The following IQGAP2 variants were observed in gnomAD, a reference collection of about 807,000 sequenced individuals.
IQGAP2 encodes the protein IQ motif containing GTPase activating protein 2, also known as ras GTPase-activating-like protein IQGAP2.
IQGAP2 carries 173 observed loss-of-function variants against 201.3 expected under a neutral mutation model. That is an observed-to-expected ratio of 0.86 (90% CI 0.76 to 0.98). The LOEUF is 0.98. IQGAP2 is among the 50% of genes least tolerant of loss of function. The pLI is 0.00. For missense variants in IQGAP2, 1,687 were observed against 1,864.8 expected (o/e 0.90, Z 1.76); for synonymous variants, 675 against 673.9 (o/e 1.00, Z -0.03).
chr5:76,486,647 T>A (rs7727955), intron 2 of IQGAP2, among the ~76,000 whole-genome samples: 43,168 of 142,442 alleles, frequency 0.3, 6,085 homozygotes, highest in Middle Eastern at 0.37. Context: ...ATTTTTTTTT[T>A]AAAAAAGGAT....
chr5:76,671,682 T>G, intron 23 of IQGAP2, 77 bp from the exon 24 acceptor site: 1 of 1,027,566 alleles, frequency 9.7e-7, no homozygotes, highest in South Asian at 1.6e-5. Flanking sequence ...AGCAAGACTG[T>G]CTCGGGGAAA....
intron 2 of IQGAP2, among the ~76,000 whole-genome samples, chr5:76,502,832 C>T (rs1757352179): frequency 6.6e-6 from 1 of 152,070 alleles, no homozygotes; most frequent in Non-Finnish European, 1.5e-5. Context: ...AATTCCTGGG[C>T]TCAAGTGATC....
At chr5:76,684,567 G>C (rs186066212) in intron 30 of IQGAP2, among the ~76,000 whole-genome samples, 5 of 152,266 alleles carry the variant, frequency 3.3e-5, no homozygotes, top group Admixed American at 3.3e-4. Flanking sequence ...AAAAGCACCC[G>C]CTGACCAAGC....
intron 5 of IQGAP2, among the ~76,000 whole-genome samples, chr5:76,578,130 T>G (rs1396401690): frequency 6.6e-6 from 1 of 152,174 alleles, no homozygotes; most frequent in Non-Finnish European, 1.5e-5. Flanking sequence ...TGTTCCCCTT[T>G]GCTGCCTGCC....
chr5:76,424,719 T>C (rs10072221), intron 1 of IQGAP2, among the ~76,000 whole-genome samples: 60,242 of 152,188 alleles, frequency 0.4, 13,416 homozygotes, highest in East Asian at 0.52. Context: ...GCTGATTTTC[T>C]GGGAGGCGAC....
intron 2 of IQGAP2, among the ~76,000 whole-genome samples, chr5:76,546,175 C>T (rs1743083955): frequency 6.6e-6 from 1 of 152,166 alleles, no homozygotes; most frequent in Admixed American, 6.5e-5. Flanking sequence ...TTGGCTCACA[C>T]CTGTAATCCC....
chr5:76,622,365 G>A (rs780579218), intron 13 of IQGAP2, among the ~76,000 whole-genome samples: 12 of 152,156 alleles, frequency 7.9e-5, no homozygotes, highest in Admixed American at 2.0e-4. Flanking sequence ...CTCTGCAACC[G>A]CTCAGGGATT....
At chr5:76,621,573 C>T (rs1038798217) in intron 13 of IQGAP2, among the ~76,000 whole-genome samples, 3 of 152,156 alleles carry the variant, frequency 2.0e-5, no homozygotes, top group Non-Finnish European at 4.4e-5. Context: ...TTTTAAAAAG[C>T]TGTTAAAACC....
chr5:76,458,181 T>G (rs1754214961), intron 1 of IQGAP2, among the ~76,000 whole-genome samples: 1 of 152,146 alleles, frequency 6.6e-6, no homozygotes. Context: ...CAAATAGCTG[T>G]GGGCAGTCCC....
chr5:76,571,127 G>A (rs1042497009), intron 4 of IQGAP2, among the ~76,000 whole-genome samples: 7 of 149,560 alleles, frequency 4.7e-5, no homozygotes, highest in Admixed American at 1.3e-4. Flanking sequence ...AAATCTCATT[G>A]TATTAGTATA....
intron 2 of IQGAP2, among the ~76,000 whole-genome samples, chr5:76,470,326 C>G (rs1755034975): frequency 6.6e-6 from 1 of 152,130 alleles, no homozygotes; most frequent in African/African-American, 2.4e-5. Context: ...GTTACTAAGT[C>G]AAGGCCATGC....
At chr5:76,472,282 G>T (rs1755156203) in intron 2 of IQGAP2, among the ~76,000 whole-genome samples, 3 of 152,180 alleles carry the variant, frequency 2.0e-5, no homozygotes, top group Admixed American at 6.5e-5. Context: ...TGGAGAGGTG[G>T]TCTTAACAGG....
chr5:76,403,396 G>A lies in IQGAP2; in HGVS notation c.-150G>A, dbSNP rs912463273. The A allele has an allele frequency of 6.0e-6, 3 of 502,950 alleles. No individual in the cohort carries two copies. Among genetic ancestry groups the A allele is most frequent in the South Asian group, 4.7e-5 (1 of 21,094 alleles). The allele number at this position is 502,950 out of a possible 1,614,324, so 31.2% of individuals were successfully genotyped here. A position where few individuals can be genotyped will look rare whatever the true frequency, so the allele number is the denominator to read the frequency against. Reference sequence around the variant, plus strand: ...TGGCTGGCTCTGGCGAGAGAGCACCGAGGGAGTGGGTCGCAGATCTTCGGG... The same window carrying A: ...TGGCTGGCTCTGGCGAGAGAGCACCAAGGGAGTGGGTCGCAGATCTTCGGG... On this transcript the variant is annotated 5_prime_UTR_variant, in exon 1 of 36. Coordinates refer to ENST00000274364, the MANE Select transcript of IQGAP2 (RefSeq NM_006633.5). This position sits in a 1 kb window ranked among gnomAD's most constrained non-coding sequence, Gnocchi z 4.8.
intron 27 of IQGAP2, among the ~76,000 whole-genome samples, chr5:76,676,128 AATATCCATTTCCCAC>A (rs1417642014): frequency 6.7e-6 from 1 of 148,626 alleles, no homozygotes; most frequent in Non-Finnish European, 1.5e-5. Flanking sequence ...CACACAAAGT[AATATCCATTTCCCAC>A]ATTTCTCATG....
intron 13 of IQGAP2, chr5:76,615,622 A>C (rs1748877941): frequency 6.6e-6 from 1 of 152,188 alleles, no homozygotes; most frequent in Non-Finnish European, 1.5e-5. Context: ...CACTACTATC[A>C]TTCACTCTTT....
At chr5:76,551,824 G>A (rs1197521960) in intron 2 of IQGAP2, among the ~76,000 whole-genome samples, 1 of 148,450 alleles carries the variant, frequency 6.7e-6, no homozygotes, top group African/African-American at 2.5e-5. Flanking sequence ...GCCTCCGCTG[G>A]GCATCAGAGG....
At chr5:76,422,121 C>T (rs1461005388) in intron 1 of IQGAP2, among the ~76,000 whole-genome samples, 2 of 152,190 alleles carry the variant, frequency 1.3e-5, no homozygotes, top group Admixed American at 6.5e-5. Context: ...TACTCTTTTA[C>T]AGGAGGTGGC....
At chr5:76,610,110 A>G (rs1369807518) in intron 12 of IQGAP2, among the ~76,000 whole-genome samples, 1 of 13,190 alleles carries the variant, frequency 7.6e-5, no homozygotes, top group African/African-American at 2.6e-4. Flanking sequence ...ATATATATAT[A>G]TATATTTTTT....
chr5:76,664,808 A>G (rs572668698), intron 21 of IQGAP2, among the ~76,000 whole-genome samples: 1 of 152,336 alleles, frequency 6.6e-6, no homozygotes, highest in South Asian at 2.1e-4. Flanking sequence ...ATGCTATTGG[A>G]AAAAAATGGT....
Sources: gnomAD v4.1 joint callset for allele counts (sites outside exome capture counted in the v4.1 genomes callset) on GRCh38, gnomAD v4.1.1 for gene constraint, Gnocchi (gnomAD v3.1) non-coding constraint, MANE v1.5 for transcripts, NCBI Gene and HGNC (gene_info 2026-07-23, HGNC 2026-07-21) for gene names.